BFSP1: variants seen among roughly 807,000 people sequenced by gnomAD.
The protein encoded by BFSP1 is filensin.
In BFSP1, 38 loss-of-function variants were observed where a neutral mutation model predicts 43.9. The ratio of observed to expected loss-of-function variants is 0.87; its 90% confidence interval spans 0.67 to 1.14. The LOEUF (loss-of-function observed/expected upper bound fraction) is 1.14. Ranked by LOEUF, BFSP1 falls within the 50% of genes most tolerant of loss-of-function variation. The pLI is 0.00. For missense variants in BFSP1, 850 were observed against 875.1 expected, an observed-to-expected ratio of 0.97 and a Z score of 0.36; for synonymous variants, 352 against 354.8, an observed-to-expected ratio of 0.99 and a Z score of 0.09.
chr20:17,531,598 A>G (rs971331054), upstream of BFSP1, among the ~76,000 whole-genome samples: 3 of 152,198 alleles, frequency 2.0e-5, no homozygotes, highest in Non-Finnish European at 4.4e-5. Flanking sequence ...GTGATTGTTC[A>G]GGCCTGTTGC....
intron 1 of BFSP1, among the ~76,000 whole-genome samples, chr20:17,551,880 G>A (rs1010298523): frequency 6.6e-6 from 1 of 152,016 alleles, no homozygotes; most frequent in Admixed American, 6.5e-5. Flanking sequence ...AGCTATTCAG[G>A]AGGCTGAGGC....
At chr20:17,500,697 G>A (rs2033776981) in intron 5 of BFSP1, among the ~76,000 whole-genome samples, 1 of 152,080 alleles carries the variant, frequency 6.6e-6, no homozygotes, top group African/African-American at 2.4e-5. Flanking sequence ...CATTACCCCA[G>A]CCGCAGCCTC....
intron 1 of BFSP1, among the ~76,000 whole-genome samples, chr20:17,545,987 G>A (rs541015822): frequency 7.2e-5 from 11 of 152,140 alleles, no homozygotes; most frequent in Admixed American, 2.0e-4. Context: ...AAACTATCTC[G>A]TCTTTCATCA....
intron 3 of BFSP1, among the ~76,000 whole-genome samples, chr20:17,512,314 C>T (rs1055652455): frequency 4.6e-5 from 7 of 151,942 alleles, no homozygotes; most frequent in East Asian, 3.9e-4. Flanking sequence ...ACAACGGGGC[C>T]GATGAATAAA....
chr20:17,499,391 C>T (rs1173769059), intron 5 of BFSP1, among the ~76,000 whole-genome samples: 1 of 146,702 alleles, frequency 6.8e-6, no homozygotes, highest in African/African-American at 2.5e-5. Context: ...AGGCAAGCAC[C>T]AACATGCTGG....
At chr20:17,563,835 G>A (rs1377034639), upstream of BFSP1, among the ~76,000 whole-genome samples, 1 of 149,840 alleles carries the variant, frequency 6.7e-6, no homozygotes, top group African/African-American at 2.5e-5. Flanking sequence ...GAAGTGAGCG[G>A]TGATCGTGCC....
At chr20:17,519,064 A>C (rs750067393) in intron 2 of BFSP1, among the ~76,000 whole-genome samples, 1 of 151,522 alleles carries the variant, frequency 6.6e-6, no homozygotes, top group African/African-American at 2.4e-5. Flanking sequence ...ATGTTGTTCT[A>C]TCTTCCCTCT....
chr20:17,529,133 C>T (rs558242141), intron 1 of BFSP1, among the ~76,000 whole-genome samples: 25 of 150,968 alleles, frequency 1.7e-4, no homozygotes, highest in Admixed American at 8.6e-4. Context: ...AGTGCAGTGG[C>T]GCAATCTCAG....
Position 17,531,021 on chromosome 20 carries a change from C to T in BFSP1, c.309G>A (p.Glu103=), listed in dbSNP as rs1201689474. 22 of 1,429,142 alleles carry T rather than the reference C, an allele frequency of 1.5e-5. No homozygotes were observed. Among genetic ancestry groups the T allele is most frequent in the Non-Finnish European group, 1.6e-5 (18 of 1,095,642 alleles). The allele number at this position is 1,429,142 out of a possible 1,614,324, so 88.5% of individuals were successfully genotyped here. ...ESNRQRVRDL[E]AERARLERQG... ...GGCGCTCCAGCCGGGCGCGCTCGGC[C>T]TCCAGGTCCCGGACGCGCTGGCGGT... The change falls in exon 1 of 8, where the codon GAG becomes GAA. Residue 103 remains glutamate (E), a synonymous_variant. Transcript: ENST00000377873.
At position 17,512,802 on chromosome 20, in the gene BFSP1, C is replaced by T. The variant is rs548432438; in HGVS notation, c.535-734G>A. On this transcript the variant is annotated intron_variant, in intron 3 of 7. Transcript: ENST00000377873. ...AGTGTTTCAAAGAATGGGCTTTGGT[C>T]AATCAGGCCTGGACTAAAAGACTTA... Among the ~76,000 whole-genome samples the T allele has an allele frequency of 5.3e-5, 8 of 152,258 alleles. No homozygotes were observed. In the South Asian group the frequency reaches 1.7e-3, roughly 32 times the overall value.
intron 7 of BFSP1, 74 bp from the exon 8 acceptor site, chr20:17,495,103 T>C (rs2033600698): frequency 1.6e-5 from 22 of 1,394,852 alleles, no homozygotes; most frequent in Non-Finnish European, 2.1e-5. Context: ...GGTTGGAAAA[T>C]AGGCTAACTC....
At chr20:17,499,389 A>T (rs1320800022) in intron 5 of BFSP1, among the ~76,000 whole-genome samples, 1 of 142,534 alleles carries the variant, frequency 7.0e-6, no homozygotes. Context: ...ACAGGCAAGC[A>T]CCAACATGCT....
rs771090694 is a variant in BFSP1 at position 17,493,933 on chromosome 20, G to C, written c.*141C>G. 16 of 752,218 alleles carry C rather than the reference G, an allele frequency of 2.1e-5. No individual in the cohort carries two copies. Among genetic ancestry groups the C allele is most frequent in the Non-Finnish European group, 2.8e-5 (13 of 471,808 alleles). 46.6% of individuals were successfully genotyped at this position (752,218 alleles called of 1,614,324 possible). ...AAGCAAAGAAAACATTTTAATGAAG[G>C]CTTCGTTGGCAATGCCAGATGGGTC... On this transcript the variant is annotated 3_prime_UTR_variant, in exon 8 of 8. Coordinates refer to ENST00000377873, the MANE Select transcript of BFSP1 (RefSeq NM_001195.5).
At chr20:17,499,404 T>A (rs1010952373) in intron 5 of BFSP1, among the ~76,000 whole-genome samples, 2 of 84,230 alleles carry the variant, frequency 2.4e-5, no homozygotes, top group South Asian at 8.2e-4. Context: ...CATGCTGGGC[T>A]TTTTTTTTTT....
intron 1 of BFSP1, among the ~76,000 whole-genome samples, chr20:17,539,813 C>T (rs1009812596): frequency 6.6e-6 from 1 of 151,952 alleles, no homozygotes; most frequent in Non-Finnish European, 1.5e-5. Context: ...TTGGGCTGTC[C>T]ATTGTTTTGT....
intron 6 of BFSP1, among the ~76,000 whole-genome samples, chr20:17,497,576 ATATACGTATATATATACG>A (rs1568679657): frequency 0.026 from 643 of 24,622 alleles, 4 homozygotes; most frequent in African/African-American, 0.12. Context: ...GTATATGTAT[ATATACGTATATATATACG>A]TGTATATATA....
chr20:17,511,783 CAT>C (rs1422498243), intron 4 of BFSP1, among the ~76,000 whole-genome samples, 191 bp downstream of exon 4: 1 of 152,206 alleles, frequency 6.6e-6, no homozygotes, highest in East Asian at 1.9e-4. Flanking sequence ...TACATCCTCA[CAT>C]GTCTAAATAT....
intron 2 of BFSP1, among the ~76,000 whole-genome samples, chr20:17,521,924 TC>T (rs2034327437): frequency 6.6e-6 from 1 of 152,202 alleles, no homozygotes; most frequent in Admixed American, 6.5e-5. Context: ...TATCCACCTA[TC>T]CCAGTCCACA....
Position 17,497,013 on chromosome 20 carries a change from C to T in BFSP1, c.967G>A (p.Ala323Thr). Residue 323 changes from alanine to threonine, a missense_variant, in exon 7 of 8, where the codon GCC (alanine) becomes ACC (threonine). Coordinates refer to ENST00000377873, the MANE Select transcript of BFSP1 (RefSeq NM_001195.5). ...IEIEGNRLTS[A>T]FIETPIPLFT... is the part of the protein sequence containing the mutation. Reference sequence around the variant, plus strand: ...AGGGGAATGGGAGTTTCAATGAAGGCAGAGGTCAGCCTGGCAGAAAGAACC... The same window carrying T: ...AGGGGAATGGGAGTTTCAATGAAGGTAGAGGTCAGCCTGGCAGAAAGAACC... 1 of 1,538,614 alleles carries T rather than the reference C, an allele frequency of 6.5e-7. No individual in the cohort carries two copies. The highest frequency in any genetic ancestry group is 8.7e-7 in the Non-Finnish European group (1 of 1,143,006).
Sources: gnomAD v4.1 joint callset for allele counts (sites outside exome capture counted in the v4.1 genomes callset) on GRCh38, gnomAD v4.1.1 for gene constraint, MANE v1.5 for transcripts, NCBI Gene and HGNC (gene_info 2026-07-23, HGNC 2026-07-21) for gene names.